The following ELMO1 variants were observed in gnomAD, a reference collection of about 807,000 sequenced individuals.
The protein encoded by ELMO1 is engulfment and cell motility 1.
In ELMO1, 26 loss-of-function variants were observed where a neutral mutation model predicts 98.9. That is an observed-to-expected ratio of 0.26 (90% CI 0.19 to 0.36). ELMO1 has a LOEUF of 0.36. ELMO1 is among the 10% of genes least tolerant of loss of function. The pLI is 1.00. For missense variants in ELMO1, 627 were observed against 935.2 expected, an observed-to-expected ratio of 0.67 and a Z score of 4.30; for synonymous variants, 346 against 346.0, an observed-to-expected ratio of 1.00 and a Z score of 0.00.
At chr7:37,282,803 C>T (rs1017396406) in intron 4 of ELMO1, among the ~76,000 whole-genome samples, 1 of 152,188 alleles carries the variant, frequency 6.6e-6, no homozygotes, top group Non-Finnish European at 1.5e-5. Flanking sequence ...CATTCCCACC[C>T]ATTAATTTGA....
At chr7:37,408,559 C>A (rs1057244213) in intron 1 of ELMO1, among the ~76,000 whole-genome samples, 1 of 152,124 alleles carries the variant, frequency 6.6e-6, no homozygotes, top group African/African-American at 2.4e-5. Context: ...AATATACATG[C>A]AATGGAATAT....
chr7:37,097,311 G>T (rs542027476), intron 14 of ELMO1, among the ~76,000 whole-genome samples: 1 of 152,228 alleles, frequency 6.6e-6, no homozygotes, highest in African/African-American at 2.4e-5. Context: ...GCCGAGGCGG[G>T]CGGATCATTG....
intron 16 of ELMO1, among the ~76,000 whole-genome samples, chr7:36,947,872 T>C (rs531785585): frequency 6.6e-5 from 10 of 152,308 alleles, no homozygotes; most frequent in African/African-American, 1.9e-4. Flanking sequence ...CTGAGGATTC[T>C]TTTCCTGGCT....
chr7:36,925,315 C>T (rs1785474970), intron 16 of ELMO1, among the ~76,000 whole-genome samples: 2 of 152,202 alleles, frequency 1.3e-5, no homozygotes, highest in South Asian at 4.1e-4. Flanking sequence ...TCTCTGAGTG[C>T]TTGAACGCTT....
intron 6 of ELMO1, among the ~76,000 whole-genome samples, chr7:37,257,517 G>A (rs1165658513): frequency 2.0e-5 from 3 of 151,882 alleles, no homozygotes; most frequent in African/African-American, 4.8e-5. Context: ...GAGGTCAAGA[G>A]ATCGAGACCA....
chr7:37,214,726 T>C (rs556103431), intron 11 of ELMO1, among the ~76,000 whole-genome samples: 1 of 152,262 alleles, frequency 6.6e-6, no homozygotes, highest in East Asian at 1.9e-4. Flanking sequence ...CAGAAAAGCA[T>C]GTTAACTCAT....
In ELMO1 at chr7:37,328,396, A is replaced by AAAAAAAAG. The variant is rs1799932918; in HGVS notation, c.79-12437_79-12436insCTTTTTTT. Among the ~76,000 whole-genome samples the AAAAAAAAG allele has an allele frequency of 2.0e-5, 3 of 150,798 alleles. No individual in the cohort carries two copies. In the South Asian group the frequency reaches 6.3e-4, roughly 32 times the overall value. On this transcript the variant is annotated intron_variant, in intron 2 of 21. Coordinates refer to ENST00000310758, the MANE Select transcript of ELMO1 (RefSeq NM_014800.11). Reference sequence around the variant, plus strand: ...GAGACCCTGCCACAAAAAAAAAAAAAAAAAAAAAAAAAGATGCTGTGTAAC... The same window carrying AAAAAAAAG: ...GAGACCCTGCCACAAAAAAAAAAAAAAAAAAAAGAAAAAAAAAAAAGATGCTGTGTAAC...
intron 1 of ELMO1, among the ~76,000 whole-genome samples, chr7:37,396,515 C>A (rs1189769358): frequency 6.6e-6 from 1 of 152,292 alleles, no homozygotes; most frequent in Non-Finnish European, 1.5e-5. Flanking sequence ...CTTTATAGGG[C>A]ATTAAAATGG....
Position 36,936,509 on chromosome 7 carries a change from G to T in ELMO1, c.1438-41492C>A, listed in dbSNP as rs144873487. 6.9e-3 allele frequency among the ~76,000 whole-genome samples: 1,052 copies of T among 152,280 alleles called. 14 individuals carry two copies. Among genetic ancestry groups the T allele is most frequent in the African/African-American group, 0.025 (1,021 of 41,534 alleles). ...GTCTCGCTCTGTTGCCCAGACTGGAGTGCCATGGTGCAATCATGGCTCACT... is the reference window on the plus strand; with the variant it reads ...GTCTCGCTCTGTTGCCCAGACTGGATTGCCATGGTGCAATCATGGCTCACT... On this transcript the variant is annotated intron_variant, in intron 16 of 21. Coordinates refer to ENST00000310758, the MANE Select transcript of ELMO1 (RefSeq NM_014800.11).
intron 13 of ELMO1, among the ~76,000 whole-genome samples, chr7:37,201,553 T>A (rs1001382521): frequency 2.0e-5 from 3 of 152,208 alleles, no homozygotes; most frequent in Non-Finnish European, 4.4e-5. Flanking sequence ...CAGTTGCACA[T>A]CCAACAATGC....
At chr7:37,014,868 G>C (rs1793818164) in intron 15 of ELMO1, among the ~76,000 whole-genome samples, 1 of 151,936 alleles carries the variant, frequency 6.6e-6, no homozygotes, top group African/African-American at 2.4e-5. Context: ...TTCTCGGGGA[G>C]AGCCCTGGTG....
chr7:36,983,936 C>A (rs187448370), intron 16 of ELMO1, among the ~76,000 whole-genome samples: 1 of 151,406 alleles, frequency 6.6e-6, no homozygotes, highest in African/African-American at 2.4e-5. Context: ...TTCCATGATC[C>A]AATAATAGCT....
intron 18 of ELMO1, among the ~76,000 whole-genome samples, chr7:36,884,317 AAAAAAAAAAAAAATCTATATTCTG>A (rs1240822667): frequency 7.7e-6 from 1 of 129,948 alleles, no homozygotes; most frequent in African/African-American, 2.9e-5. Context: ...ACTGTCTCAA[AAAAAAAAAAAAAATCTATATTCTG>A]AGGCGCTACG....
chr7:37,316,331 T>C (rs1223560208), intron 2 of ELMO1, among the ~76,000 whole-genome samples: 1 of 152,194 alleles, frequency 6.6e-6, no homozygotes, highest in Admixed American at 6.5e-5. Context: ...GAGTAGTACA[T>C]GAATCAGGCA....
At chr7:36,949,316 T>G (rs1787773581) in intron 16 of ELMO1, among the ~76,000 whole-genome samples, 4 of 152,220 alleles carry the variant, frequency 2.6e-5, no homozygotes. Flanking sequence ...CCTTGTGCCT[T>G]GGCCACAAAT....
intron 14 of ELMO1, among the ~76,000 whole-genome samples, chr7:37,131,094 C>T (rs959720035): frequency 6.6e-5 from 10 of 151,984 alleles, no homozygotes; most frequent in African/African-American, 2.4e-4. Context: ...GTCAAAGTCA[C>T]CCTAAAATTT....
chr7:37,417,531 G>A (rs1183978369), intron 1 of ELMO1, among the ~76,000 whole-genome samples: 1 of 152,164 alleles, frequency 6.6e-6, no homozygotes, highest in Non-Finnish European at 1.5e-5. Flanking sequence ...GGGCATGGTG[G>A]TGGGCGCTTG....
At chr7:37,124,983 A>C (rs1786395204) in intron 14 of ELMO1, among the ~76,000 whole-genome samples, 1 of 152,160 alleles carries the variant, frequency 6.6e-6, no homozygotes, top group African/African-American at 2.4e-5. Context: ...ATAATACCAC[A>C]CTTCTACAAC....
intron 16 of ELMO1, among the ~76,000 whole-genome samples, chr7:36,912,977 A>G (rs1270133265): frequency 6.6e-6 from 1 of 152,144 alleles, no homozygotes. Context: ...ATCTTTGTGA[A>G]GCTGTGAAAG....
Sources: gnomAD v4.1 joint callset for allele counts (sites outside exome capture counted in the v4.1 genomes callset) on GRCh38, gnomAD v4.1.1 for gene constraint, MANE v1.5 for transcripts, NCBI Gene and HGNC (gene_info 2026-07-23, HGNC 2026-07-21) for gene names.